The following BCAS1 variants were observed in gnomAD, a reference collection of about 807,000 sequenced individuals.
The protein encoded by BCAS1 is brain enriched myelin associated protein 1, also known as breast carcinoma-amplified sequence 1.
BCAS1 carries 46 observed loss-of-function variants against 65.4 expected under a neutral mutation model. The observed-to-expected ratio is 0.70, with a 90% CI of 0.55 to 0.90. The LOEUF (loss-of-function observed/expected upper bound fraction) is 0.90. Ranked by LOEUF, BCAS1 falls within the 40% of genes least tolerant of loss-of-function variation. BCAS1 has a pLI of 0.00. For synonymous variants in BCAS1, 298 were observed against 293.5 expected, an observed-to-expected ratio of 1.02 and a Z score of -0.16; for missense variants, 793 against 771.2, an observed-to-expected ratio of 1.03 and a Z score of -0.33.
At chr20:54,020,817 T>C (rs1456748480) in intron 4 of BCAS1, among the ~76,000 whole-genome samples, 4 of 152,146 alleles carry the variant, frequency 2.6e-5, no homozygotes, top group African/African-American at 7.2e-5. Context: ...TCAAACAGAA[T>C]AGAAAAGAAT....
intron 4 of BCAS1, among the ~76,000 whole-genome samples, chr20:54,006,475 C>T (rs540286512): frequency 3.9e-5 from 6 of 152,108 alleles, no homozygotes; most frequent in South Asian, 4.2e-4. Context: ...TTTGGGAGAC[C>T]GAGGCAGGCA....
At chr20:53,976,798 C>A (rs769079990) in intron 8 of BCAS1, among the ~76,000 whole-genome samples, 4 of 152,158 alleles carry the variant, frequency 2.6e-5, no homozygotes, top group Non-Finnish European at 5.9e-5. Context: ...TAATTTATTT[C>A]TAGTTATCTT....
intron 3 of BCAS1, among the ~76,000 whole-genome samples, chr20:54,047,977 C>G (rs1164180515): frequency 1.3e-5 from 2 of 152,182 alleles, no homozygotes; most frequent in Non-Finnish European, 2.9e-5. Flanking sequence ...CCTGCCATAG[C>G]TGAAGTGCAG....
At chr20:54,062,396 G>A (rs1202544530) in intron 1 of BCAS1, among the ~76,000 whole-genome samples, 1 of 152,144 alleles carries the variant, frequency 6.6e-6, no homozygotes, top group South Asian at 2.1e-4. Context: ...TTGCTGGTGT[G>A]GAAACTGAGG....
At chr20:53,949,622 C>T (rs1244154657) in intron 12 of BCAS1, among the ~76,000 whole-genome samples, 2 of 152,198 alleles carry the variant, frequency 1.3e-5, no homozygotes, top group Non-Finnish European at 2.9e-5. Flanking sequence ...CTTTGGAAAG[C>T]GGCAGGGAAG....
intron 10 of BCAS1, among the ~76,000 whole-genome samples, chr20:53,965,066 TA>T (rs1356797529): frequency 3.3e-5 from 5 of 152,126 alleles, no homozygotes; most frequent in Non-Finnish European, 7.4e-5. Context: ...AAATTGGTTT[TA>T]AAAAAAATCT....
At chr20:54,018,917 C>T (rs2091499397) in intron 4 of BCAS1, among the ~76,000 whole-genome samples, 1 of 152,132 alleles carries the variant, frequency 6.6e-6, no homozygotes, top group Non-Finnish European at 1.5e-5. Flanking sequence ...TCACAACTCA[C>T]ATTCTGTCTG....
chr20:54,017,385 A>AT (rs1337541353), intron 4 of BCAS1, among the ~76,000 whole-genome samples: 1 of 138,730 alleles, frequency 7.2e-6, no homozygotes, highest in Non-Finnish European at 1.6e-5. Flanking sequence ...CTTATGTGTG[A>AT]TTTTTTTTCT....
At chr20:54,010,581 G>A (rs939476169) in intron 4 of BCAS1, among the ~76,000 whole-genome samples, 2 of 152,138 alleles carry the variant, frequency 1.3e-5, no homozygotes, top group Non-Finnish European at 1.5e-5. Context: ...GCTAATGAAA[G>A]AAATCATAGG....
chr20:54,046,870 G>T (rs2107327), intron 3 of BCAS1, among the ~76,000 whole-genome samples: 25,741 of 150,520 alleles, frequency 0.17, 2,328 homozygotes, highest in East Asian at 0.31. Flanking sequence ...AATTCAGGCA[G>T]AGAGAGGATA....
intron 11 of BCAS1, among the ~76,000 whole-genome samples, chr20:53,956,096 T>C (rs543476703): frequency 1.2e-4 from 18 of 152,298 alleles, no homozygotes; most frequent in African/African-American, 4.3e-4. Context: ...ATAATAGTAA[T>C]AGTAACATAT....
At chr20:54,052,703 G>C (rs1478373493) in intron 3 of BCAS1, among the ~76,000 whole-genome samples, 1 of 152,194 alleles carries the variant, frequency 6.6e-6, no homozygotes, top group Non-Finnish European at 1.5e-5. Context: ...GGCACAGCAA[G>C]GCGCCATCTT....
At chr20:53,982,394 A>AT (rs1008024829) in intron 8 of BCAS1, among the ~76,000 whole-genome samples, 7 of 152,274 alleles carry the variant, frequency 4.6e-5, no homozygotes, top group Admixed American at 3.3e-4. Context: ...CCTTAAAGGT[A>AT]TTTTTTTATT....
chr20:54,005,866 A>C (rs553055011), intron 4 of BCAS1, among the ~76,000 whole-genome samples: 46 of 152,282 alleles, frequency 3.0e-4, no homozygotes, highest in Non-Finnish European at 1.9e-4. Context: ...AATGCAGAAA[A>C]AGATGAGGTG....
rs1188681265 is a variant in BCAS1, at chr20:53,995,548, G to A, written c.882+344C>T. On this transcript the variant is annotated intron_variant, in intron 5 of 12. Coordinates refer to ENST00000688948, the MANE Select transcript of BCAS1 (RefSeq NM_001366298.2). Reference sequence around the variant, plus strand: ...TATTTGCCACTTGAGTGGCAAAACTGCTTTGAGATGTCCACAACACAGGGA... The same window carrying A: ...TATTTGCCACTTGAGTGGCAAAACTACTTTGAGATGTCCACAACACAGGGA... Among the ~76,000 whole-genome samples, 22 of 150,164 alleles carry A rather than the reference G, an allele frequency of 1.5e-4. No individual in the cohort carries two copies. The South Asian group carries it at 4.5e-3, about 30-fold the overall frequency.
At chr20:54,035,450 G>GA (rs1356022937) in intron 3 of BCAS1, among the ~76,000 whole-genome samples, 6 of 145,488 alleles carry the variant, frequency 4.1e-5, no homozygotes, top group African/African-American at 1.0e-4. Context: ...ACAAGCATAT[G>GA]AAAAAAAGCT....
chr20:53,972,937 A>G (rs924086457), intron 9 of BCAS1, among the ~76,000 whole-genome samples: 11 of 152,212 alleles, frequency 7.2e-5, no homozygotes, highest in Non-Finnish European at 1.6e-4. Context: ...TCAGAAGATG[A>G]AATACTGATG....
chr20:54,040,184 C>A (rs1439565828), intron 3 of BCAS1, among the ~76,000 whole-genome samples: 4 of 151,352 alleles, frequency 2.6e-5, no homozygotes, highest in Non-Finnish European at 4.4e-5. Context: ...AGAATAGAGG[C>A]ACAGATGTAG....
chr20:54,004,333 A>C (rs1307954864), intron 4 of BCAS1, among the ~76,000 whole-genome samples: 1 of 152,130 alleles, frequency 6.6e-6, no homozygotes, highest in African/African-American at 2.4e-5. Context: ...TAGCCTCCAA[A>C]ACTGTGAGAT....
Sources: allele counts gnomAD v4.1 joint callset (sites outside exome capture counted in the v4.1 genomes callset), GRCh38; gene constraint gnomAD v4.1.1; transcripts MANE v1.5; gene names NCBI Gene and HGNC (gene_info 2026-07-23, HGNC 2026-07-21).